Variants in SV2C observed in about 807,000 individuals in gnomAD.
The protein encoded by SV2C is synaptic vesicle glycoprotein 2C.
Under a neutral mutation model 79.7 loss-of-function variants are expected in SV2C, and 49 were observed. The observed-to-expected ratio is 0.61, with a 90% CI of 0.49 to 0.78. The LOEUF is 0.78. Among genes scored for constraint, SV2C ranks in the 30% least tolerant of loss-of-function variants. SV2C has a pLI of 0.00. For synonymous variants in SV2C, 334 were observed against 333.2 expected (o/e 1.00, Z -0.03); for missense variants, 833 against 912.9 (o/e 0.91, Z 1.13).
Position 76,195,217 on chromosome 5 carries a change from T to C in SV2C, c.761+118T>C, listed in dbSNP as rs1561259294. ...ACACATCTCCTTCCATATCCTCATG[T>C]CAGCCCTGGAAACCACAATGCTGGT... On this transcript the variant is annotated intron_variant, in intron 3 of 12. Coordinates refer to ENST00000502798, the MANE Select transcript of SV2C (RefSeq NM_014979.4). 4.7e-6 allele frequency: 5 copies of C among 1,071,272 alleles called. No homozygotes were observed. The Admixed American group carries it at 6.9e-5, about 15-fold the overall frequency. 66.4% of individuals were successfully genotyped at this position (1,071,272 alleles called of 1,614,324 possible). A position where few individuals can be genotyped will look rare whatever the true frequency, so the allele number is the denominator to read the frequency against.
At chr5:76,247,810 C>T (rs1745988944) in intron 4 of SV2C, among the ~76,000 whole-genome samples, 1 of 152,174 alleles carries the variant, frequency 6.6e-6, no homozygotes, top group South Asian at 2.1e-4. Context: ...CTCTACAATG[C>T]CATATCATTA....
At chr5:75,916,183 T>G in the SV2C span, among the ~76,000 whole-genome samples, 11 of 152,146 alleles carry the variant, frequency 7.2e-5, no homozygotes, top group Non-Finnish European at 1.6e-4. Flanking sequence ...AGAAGATGCT[T>G]CTTTTTCTTC....
chr5:76,140,802 T>C (rs1253090685), intron 2 of SV2C, among the ~76,000 whole-genome samples: 1 of 152,330 alleles, frequency 6.6e-6, no homozygotes, highest in East Asian at 1.9e-4. Flanking sequence ...TCAGCAGCTC[T>C]ATACCCTGCT....
intron 4 of SV2C, among the ~76,000 whole-genome samples, chr5:76,233,938 A>G (rs1026639579): frequency 4.6e-5 from 7 of 151,882 alleles, no homozygotes; most frequent in African/African-American, 1.5e-4. Context: ...GGCTGATTTT[A>G]TTTCTTCTAG....
intron 4 of SV2C, among the ~76,000 whole-genome samples, chr5:76,260,536 G>T (rs1746431064): frequency 6.6e-6 from 1 of 152,160 alleles, no homozygotes; most frequent in South Asian, 2.1e-4. Context: ...GTACTGAATG[G>T]TATTGCCTAG....
intron 2 of SV2C, among the ~76,000 whole-genome samples, chr5:76,186,471 C>T (rs972869967): frequency 3.3e-4 from 50 of 152,302 alleles, no homozygotes; most frequent in African/African-American, 1.2e-3. Flanking sequence ...GCAGGCAGAT[C>T]ACCTGAGATC....
At chr5:76,294,940 A>T (rs1163299140) in intron 8 of SV2C, among the ~76,000 whole-genome samples, 3 of 152,152 alleles carry the variant, frequency 2.0e-5, no homozygotes, top group Non-Finnish European at 4.4e-5. Context: ...GGAACCAAGA[A>T]AGATTCCCCA....
At chr5:76,194,567 G>A (rs1430227284) in intron 2 of SV2C, among the ~76,000 whole-genome samples, 1 of 152,140 alleles carries the variant, frequency 6.6e-6, no homozygotes, top group Non-Finnish European at 1.5e-5. Context: ...CCACACCCAG[G>A]CAAAGGTTGA....
At chr5:76,128,333 G>A (rs1233545862) in intron 1 of SV2C, among the ~76,000 whole-genome samples, 1 of 152,122 alleles carries the variant, frequency 6.6e-6, no homozygotes, top group African/African-American at 2.4e-5. Flanking sequence ...ACTGATTAAA[G>A]GTCTCACAAC....
At chr5:75,907,238 A>G in the SV2C span, among the ~76,000 whole-genome samples, 1 of 152,242 alleles carries the variant, frequency 6.6e-6, no homozygotes, top group Non-Finnish European at 1.5e-5. Flanking sequence ...AAATTGGTTT[A>G]AGGACAGGTG....
At chr5:76,297,628 G>A (rs941232659) in intron 9 of SV2C, among the ~76,000 whole-genome samples, 15 of 152,108 alleles carry the variant, frequency 9.9e-5, no homozygotes, top group Admixed American at 3.9e-4. Context: ...TGGGTCCCTG[G>A]AGTGGGGATT....
intron 2 of SV2C, among the ~76,000 whole-genome samples, chr5:76,155,625 T>TTGA (rs967834580): frequency 2.0e-5 from 3 of 152,146 alleles, no homozygotes; most frequent in Non-Finnish European, 4.4e-5. Context: ...GGAATCTACC[T>TTGA]TGAATGTGGC....
At chr5:76,161,383 A>T (rs550397209) in intron 2 of SV2C, among the ~76,000 whole-genome samples, 2 of 152,130 alleles carry the variant, frequency 1.3e-5, no homozygotes, top group African/African-American at 4.8e-5. Context: ...AGAGGATGGG[A>T]TGGTGGTGGG....
the SV2C span, among the ~76,000 whole-genome samples, chr5:75,943,230 A>C: frequency 1.3e-5 from 2 of 152,198 alleles, no homozygotes; most frequent in African/African-American, 4.8e-5. Context: ...AGCTCACGCT[A>C]TTGCTTGGAA....
intron 2 of SV2C, among the ~76,000 whole-genome samples, chr5:76,187,307 G>A (rs908632286): frequency 6.6e-6 from 1 of 152,158 alleles, no homozygotes; most frequent in African/African-American, 2.4e-5. Flanking sequence ...TTGCTCATTG[G>A]ATTCAGGAAA....
chr5:76,066,201 A>G, the SV2C span, among the ~76,000 whole-genome samples: 1 of 151,970 alleles, frequency 6.6e-6, no homozygotes, highest in Admixed American at 6.5e-5. Context: ...ACCAACCCAA[A>G]TGTCCAAAAA....
intron 2 of SV2C, among the ~76,000 whole-genome samples, chr5:76,145,546 G>A (rs547616643): frequency 3.9e-5 from 6 of 152,314 alleles, no homozygotes; most frequent in East Asian, 3.9e-4. Context: ...AAGTGAGAAT[G>A]AAGTCTGTGT....
intron 2 of SV2C, among the ~76,000 whole-genome samples, chr5:76,163,643 A>G (rs1742961016): frequency 6.6e-6 from 1 of 152,128 alleles, no homozygotes; most frequent in South Asian, 2.1e-4. Flanking sequence ...CCTCACTGAC[A>G]GACCCCCTTC....
At chr5:76,022,604 A>G in the SV2C span, among the ~76,000 whole-genome samples, 1 of 152,202 alleles carries the variant, frequency 6.6e-6, no homozygotes, top group Admixed American at 6.5e-5. Flanking sequence ...CGGATGCGGT[A>G]ACAGGGATAA....
Sources: allele counts gnomAD v4.1 joint callset (sites outside exome capture counted in the v4.1 genomes callset), GRCh38; gene constraint gnomAD v4.1.1; transcripts MANE v1.5; gene names NCBI Gene and HGNC (gene_info 2026-07-23, HGNC 2026-07-21).